Variants in NRXN3 observed in about 807,000 individuals in gnomAD.
NRXN3 encodes neurexin III.
A neutral mutation model predicts 137.6 loss-of-function variants in NRXN3; 32 were observed. The ratio of observed to expected loss-of-function variants is 0.23; its 90% CI spans 0.18 to 0.31. The LOEUF is 0.31. Ranked by LOEUF, NRXN3 falls within the 10% of genes least tolerant of loss-of-function variation. NRXN3 has a pLI of 1.00. For missense variants in NRXN3, 1,574 were observed against 2,062.5 expected (o/e 0.76, Z 4.59); for synonymous variants, 798 against 784.5 (o/e 1.02, Z -0.29).
intron 16 of NRXN3, among the ~76,000 whole-genome samples, chr14:79,490,411 C>A (rs1443072822): frequency 1.3e-5 from 2 of 152,026 alleles, no homozygotes; most frequent in Non-Finnish European, 2.9e-5. Flanking sequence ...ATGGAAGCAA[C>A]CTAAGTGTCC....
chr14:79,337,320 A>G (rs373813628), intron 15 of NRXN3, among the ~76,000 whole-genome samples: 10 of 152,322 alleles, frequency 6.6e-5, no homozygotes, highest in African/African-American at 2.2e-4. Context: ...AATGAGCTCA[A>G]TGTTTAATGT....
At chr14:79,428,668 A>G (rs2153546729) in intron 15 of NRXN3, among the ~76,000 whole-genome samples, 1 of 152,314 alleles carries the variant, frequency 6.6e-6, no homozygotes, top group Middle Eastern at 3.4e-3. Flanking sequence ...AGCTGGGGGT[A>G]CAAGAGTGTA....
chr14:78,945,237 G>C (rs1011866980), intron 10 of NRXN3, among the ~76,000 whole-genome samples: 1 of 152,022 alleles, frequency 6.6e-6, no homozygotes, highest in Non-Finnish European at 1.5e-5. Context: ...ATTTTTTCTG[G>C]AGAGGTATTT....
At chr14:78,280,758 G>A (rs954142440) in intron 3 of NRXN3, among the ~76,000 whole-genome samples, 2 of 152,200 alleles carry the variant, frequency 1.3e-5, no homozygotes, top group African/African-American at 4.8e-5. Flanking sequence ...GTGAAATGCA[G>A]TGGACCCATA....
At chr14:79,320,676 T>G (rs1244630758) in intron 15 of NRXN3, among the ~76,000 whole-genome samples, 1 of 152,144 alleles carries the variant, frequency 6.6e-6, no homozygotes, top group East Asian at 1.9e-4. Flanking sequence ...AAAGGGTATC[T>G]GTGGGAAACT....
chr14:79,659,602 G>C (rs1287543833), intron 16 of NRXN3, among the ~76,000 whole-genome samples: 2 of 152,138 alleles, frequency 1.3e-5, no homozygotes, highest in African/African-American at 4.8e-5. Context: ...AGAAAGAAGG[G>C]AGAAAGAAGA....
chr14:78,212,162 A>G (rs2062814694), intron 1 of NRXN3, among the ~76,000 whole-genome samples: 1 of 152,220 alleles, frequency 6.6e-6, no homozygotes, highest in Non-Finnish European at 1.5e-5. Context: ...AGAGATGGTC[A>G]TTCATATCTG....
At chr14:78,415,231 T>C (rs1006735914) in intron 4 of NRXN3, among the ~76,000 whole-genome samples, 1 of 152,206 alleles carries the variant, frequency 6.6e-6, no homozygotes, top group Non-Finnish European at 1.5e-5. Context: ...ATGGATGAGA[T>C]GACAGCATGT....
intron 4 of NRXN3, among the ~76,000 whole-genome samples, chr14:78,341,991 C>T (rs1421133918): frequency 1.3e-5 from 2 of 152,156 alleles, no homozygotes; most frequent in Non-Finnish European, 2.9e-5. Context: ...GGTGTGCTTG[C>T]CAATGTCAAT....
chr14:78,551,020 A>G (rs1210972649), intron 4 of NRXN3, among the ~76,000 whole-genome samples: 2 of 152,208 alleles, frequency 1.3e-5, no homozygotes, highest in Admixed American at 6.5e-5. Flanking sequence ...GTGTGCCTCA[A>G]TCTCTCTATC....
At chr14:79,314,787 AC>A (rs1385758351) in intron 15 of NRXN3, among the ~76,000 whole-genome samples, 10 of 145,154 alleles carry the variant, frequency 6.9e-5, no homozygotes, top group South Asian at 2.4e-4. Context: ...ACTGGGAGGC[AC>A]CCCCCAGCAG....
intron 4 of NRXN3, among the ~76,000 whole-genome samples, chr14:78,351,826 G>A (rs1280933280): frequency 8.5e-6 from 1 of 116,972 alleles, no homozygotes; most frequent in Non-Finnish European, 1.8e-5. Flanking sequence ...ACATTTTGAT[G>A]TTGGCAAATT....
intron 1 of NRXN3, among the ~76,000 whole-genome samples, chr14:78,211,536 AAT>A (rs1299121865): frequency 1.3e-5 from 2 of 152,242 alleles, no homozygotes; most frequent in African/African-American, 4.8e-5. Context: ...CACCTCTTGC[AAT>A]CACACAGCAT....
In NRXN3 at chr14:79,333,705, C is replaced by T. The variant is rs144693369; in HGVS notation, c.3263-133516C>T. On this transcript the variant is annotated intron_variant, in intron 15 of 20. Transcript: ENST00000335750. ...GTTCAACTTTTGCTTCTCCTTTGTC[C>T]AGTGTAGATGCTGAAATTGCTAGAG... is the stretch of plus-strand genomic sequence containing the variant. Among the ~76,000 whole-genome samples, 4 of 152,216 alleles carry T rather than the reference C, an allele frequency of 2.6e-5. No homozygotes were observed. In the East Asian group the frequency reaches 7.7e-4, roughly 29 times the overall value.
Position 78,851,067 on chromosome 14 carries a change from CAGTT to C in NRXN3, c.2275+40726_2275+40729del, listed in dbSNP as rs563725384. ...TTTGTAAAACCTTTTATTTCCCTGA[CAGTT>C]AGGAGAAATATGAAGTAGGAAATTC... On this transcript the variant is annotated intron_variant, in intron 10 of 20. Coordinates refer to ENST00000335750, the MANE Select transcript of NRXN3 (RefSeq NM_001330195.2). Among the ~76,000 whole-genome samples, 240 of 152,156 alleles carry C rather than the reference CAGTT, an allele frequency of 1.6e-3. 3 individuals are homozygous for C. Among genetic ancestry groups the C allele is most frequent in the African/African-American group, 5.5e-3 (227 of 41,514 alleles).
chr14:79,503,433 C>T (rs904587085), intron 16 of NRXN3, among the ~76,000 whole-genome samples: 19 of 152,190 alleles, frequency 1.2e-4, no homozygotes, highest in African/African-American at 1.7e-4. Flanking sequence ...ACAGGGACCG[C>T]GTTACCAAGT....
At chr14:79,575,923 G>T (rs138901052) in intron 16 of NRXN3, among the ~76,000 whole-genome samples, 1 of 152,252 alleles carries the variant, frequency 6.6e-6, no homozygotes, top group Non-Finnish European at 1.5e-5. Flanking sequence ...TTGATCAGTT[G>T]GCCAAGTTAT....
chr14:78,179,887 C>T (rs1169747739), intron 1 of NRXN3, among the ~76,000 whole-genome samples: 3 of 146,422 alleles, frequency 2.0e-5, no homozygotes, highest in Admixed American at 6.9e-5. Context: ...CTCTTGTTAC[C>T]CAGGTTGGAG....
chr14:79,609,064 T>C lies in NRXN3; in HGVS notation c.3445-54714T>C, dbSNP rs563316018. Among the ~76,000 whole-genome samples, 4 of 152,206 alleles carry C rather than the reference T, an allele frequency of 2.6e-5. No homozygotes were observed. In the East Asian group the frequency reaches 7.7e-4, roughly 29 times the overall value. ...GAACTGCAAATCCGAAGACTTGAAT[T>C]CTAGTTCCTGATCGTTTTTCATAGT... On this transcript the variant is annotated intron_variant, in intron 16 of 20. Transcript: ENST00000335750.
Sources: allele counts gnomAD v4.1 joint callset (sites outside exome capture counted in the v4.1 genomes callset), GRCh38; gene constraint gnomAD v4.1.1; transcripts MANE v1.5; gene names NCBI Gene and HGNC (gene_info 2026-07-23, HGNC 2026-07-21).